PDE3A: variants seen among roughly 807,000 people sequenced by gnomAD.
PDE3A encodes the protein phosphodiesterase 3A, also known as cGMP-inhibited 3',5'-cyclic phosphodiesterase 3A.
In PDE3A, 43 loss-of-function variants were observed where a neutral mutation model predicts 98.3. The observed-to-expected ratio is 0.44, with a 90% CI of 0.34 to 0.56. PDE3A has a LOEUF of 0.56. Among genes scored for constraint, PDE3A ranks in the 20% least tolerant of loss-of-function variants. The probability of loss-of-function intolerance (pLI) is 0.01; values close to 1 mark genes in which losing one functional copy is unlikely to be tolerated. For missense variants in PDE3A, 1,427 were observed against 1,440.7 expected (o/e 0.99, Z 0.15); for synonymous variants, 663 against 567.9 (o/e 1.17, Z -2.38).
chr12:20,646,153 G>T (rs1254995151), intron 10 of PDE3A, among the ~76,000 whole-genome samples: 1 of 152,072 alleles, frequency 6.6e-6, no homozygotes, highest in African/African-American at 2.4e-5. Flanking sequence ...ATAGTTTTAT[G>T]CAGGAGCATG....
chr12:20,677,835 A>G (rs2120477674), intron 15 of PDE3A, among the ~76,000 whole-genome samples: 1 of 152,226 alleles, frequency 6.6e-6, no homozygotes, highest in East Asian at 1.9e-4. Flanking sequence ...TTTTGGGTGC[A>G]GGCAGTAGCA....
At chr12:20,518,524 A>G (rs1397795288) in intron 1 of PDE3A, among the ~76,000 whole-genome samples, 1 of 151,852 alleles carries the variant, frequency 6.6e-6, no homozygotes, top group African/African-American at 2.4e-5. Flanking sequence ...TATATTTTGA[A>G]TAGAAGACTG....
chr12:20,605,091 T>C (rs1017067171), intron 2 of PDE3A, among the ~76,000 whole-genome samples: 11 of 152,326 alleles, frequency 7.2e-5, no homozygotes, highest in Middle Eastern at 3.4e-3. Flanking sequence ...TAAAGCTACC[T>C]GACTTCGTTT....
At chr12:20,400,247 A>G (rs1944097108) in intron 1 of PDE3A, among the ~76,000 whole-genome samples, 1 of 152,120 alleles carries the variant, frequency 6.6e-6, no homozygotes, top group Admixed American at 6.5e-5. Context: ...ACCTGAAGCC[A>G]GAGAGATACT....
In PDE3A at chr12:20,668,550, T is replaced by C. The variant is rs11045378; in HGVS notation, c.3185-11480T>C. 3.8e-3 allele frequency among the ~76,000 whole-genome samples: 570 copies of C among 151,464 alleles called. 3 individuals are homozygous for C. The highest frequency in any genetic ancestry group is 0.011 in the East Asian group (56 of 5,098). On this transcript the variant is annotated intron_variant, in intron 15 of 15. Transcript: ENST00000359062. The stretch of plus-strand genomic sequence containing the variant: ...AAGTGGGTCCCTGACCCCTGACCCC[T>C]GAGCAGCCTAACTGGGAGGCACCCC...
intron 15 of PDE3A, among the ~76,000 whole-genome samples, chr12:20,679,312 A>G (rs928987931): frequency 2.0e-5 from 3 of 152,132 alleles, no homozygotes; most frequent in Admixed American, 2.0e-4. Context: ...CAGTGGCTCT[A>G]TCTCAGCTCA....
chr12:20,562,319 C>T (rs1343451644), intron 2 of PDE3A, among the ~76,000 whole-genome samples: 2 of 149,274 alleles, frequency 1.3e-5, no homozygotes, highest in East Asian at 4.0e-4. Flanking sequence ...CTCCCTGGTT[C>T]AGCGATTCTC....
rs138171408 is a variant in PDE3A, at chr12:20,382,900, G to A, written c.960+12656G>A. Reference sequence around the variant, plus strand: ...TATGTAAAACAATGCAAACAAATTTGCATTTGATTACAAAAACTCACAAGT... The same window carrying A: ...TATGTAAAACAATGCAAACAAATTTACATTTGATTACAAAAACTCACAAGT... On this transcript the variant is annotated intron_variant, in intron 1 of 15. Transcript: ENST00000359062. Among the ~76,000 whole-genome samples, 489 of 152,014 alleles carry A rather than the reference G, an allele frequency of 3.2e-3. 1 individual carries two copies. Among genetic ancestry groups the A allele is most frequent in the Non-Finnish European group, 3.2e-3 (219 of 67,926 alleles).
chr12:20,543,050 A>C (rs1357039883), intron 1 of PDE3A, among the ~76,000 whole-genome samples: 1 of 152,058 alleles, frequency 6.6e-6, no homozygotes, highest in African/African-American at 2.4e-5. Context: ...TGTACAATAC[A>C]GATTTATAGT....
intron 15 of PDE3A, among the ~76,000 whole-genome samples, chr12:20,678,293 T>C (rs1240618263): frequency 2.0e-5 from 3 of 152,164 alleles, no homozygotes; most frequent in South Asian, 4.1e-4. Context: ...CTCTTCTTCC[T>C]TACCTTAGGC....
In PDE3A at chr12:20,524,448, C is replaced by T. The variant is rs566287580; in HGVS notation, c.961-32212C>T. Among the ~76,000 whole-genome samples, 12 of 152,160 alleles carry T rather than the reference C, an allele frequency of 7.9e-5. No individual in the cohort carries two copies. In the East Asian group the frequency reaches 1.9e-3, roughly 25 times the overall value. ...ACAAAATTTTGCCAAGATCATGGTGCGTGCTCACTAAAAGATGATGAAGTT... is the reference window on the plus strand; with the variant it reads ...ACAAAATTTTGCCAAGATCATGGTGTGTGCTCACTAAAAGATGATGAAGTT... On this transcript the variant is annotated intron_variant, in intron 1 of 15. Coordinates refer to ENST00000359062, the MANE Select transcript of PDE3A (RefSeq NM_000921.5).
chr12:20,564,443 G>A (rs1003120538), intron 2 of PDE3A, among the ~76,000 whole-genome samples: 3 of 152,024 alleles, frequency 2.0e-5, no homozygotes, highest in Admixed American at 6.5e-5. Context: ...TAAGTCTATC[G>A]AATAGAAATT....
chr12:20,548,058 A>G (rs1228745621), intron 1 of PDE3A, among the ~76,000 whole-genome samples: 1 of 152,112 alleles, frequency 6.6e-6, no homozygotes, highest in African/African-American at 2.4e-5. Flanking sequence ...ATTAAAAATA[A>G]AAGACGGAGA....
At chr12:20,500,578 AT>A (rs908989783) in intron 1 of PDE3A, among the ~76,000 whole-genome samples, 1 of 151,468 alleles carries the variant, frequency 6.6e-6, no homozygotes, top group Non-Finnish European at 1.5e-5. Flanking sequence ...TTTCTTCAGG[AT>A]TTTTTTTCTA....
intron 1 of PDE3A, among the ~76,000 whole-genome samples, chr12:20,413,502 A>C (rs889218989): frequency 1.3e-5 from 2 of 152,138 alleles, no homozygotes; most frequent in African/African-American, 4.8e-5. Flanking sequence ...TCTCCTGTGG[A>C]CACCCCCTGC....
At position 20,369,624 on chromosome 12, in the gene PDE3A, G is replaced by A. The variant is rs776509114; in HGVS notation, c.340G>A (p.Gly114Arg). 3.2e-5 allele frequency: 50 copies of A among 1,582,300 alleles called. No homozygotes were observed. Among genetic ancestry groups the A allele is most frequent in the Non-Finnish European group, 4.0e-5 (47 of 1,164,990 alleles). ...APGAEGGVFP[G>R]PRGGAPGGGA... Reference sequence around the variant, plus strand: ...GGGAGCAGAAGGGGGCGTCTTCCCGGGGCCTCGGGGAGGTGCTCCCGGGGG... The same window carrying A: ...GGGAGCAGAAGGGGGCGTCTTCCCGAGGCCTCGGGGAGGTGCTCCCGGGGG... Residue 114 changes from glycine to arginine, a missense_variant, in exon 1 of 16, where the codon GGG becomes AGG. Transcript: ENST00000359062.
chr12:20,409,831 T>C (rs148702742), intron 1 of PDE3A, among the ~76,000 whole-genome samples: 1 of 152,216 alleles, frequency 6.6e-6, no homozygotes. Flanking sequence ...ATTAACTATT[T>C]GTTATTGCGC....
At chr12:20,483,575 T>G (rs1396264200) in intron 1 of PDE3A, among the ~76,000 whole-genome samples, 3 of 152,208 alleles carry the variant, frequency 2.0e-5, no homozygotes, top group Non-Finnish European at 4.4e-5. Context: ...AGAGAGATAC[T>G]TTTATCTTTG....
Position 20,369,385 on chromosome 12 carries a change from A to T in PDE3A, c.101A>T (p.Asp34Val). ...GGCCGGGACTGCCACCATCGTGCGG[A>T]CCCCGCATCGCCGCGGGACTCGGGC... is the stretch of plus-strand genomic sequence containing the variant. ...TAGRDCHHRA[D>V]PASPRDSGCR... Residue 34 changes from aspartate to valine, a missense_variant, in exon 1 of 16, where the codon GAC (aspartate) becomes GTC (valine). Asp to Val is a radical substitution (Grantham distance 152). Coordinates refer to ENST00000359062, the MANE Select transcript of PDE3A (RefSeq NM_000921.5). The T allele has an allele frequency of 1.9e-6, 3 of 1,550,220 alleles. No homozygotes were observed. In the East Asian group the frequency reaches 7.3e-5, roughly 38 times the overall value.
Sources: allele counts gnomAD v4.1 joint callset (sites outside exome capture counted in the v4.1 genomes callset), GRCh38; gene constraint gnomAD v4.1.1; transcripts MANE v1.5; gene names NCBI Gene and HGNC (gene_info 2026-07-23, HGNC 2026-07-21).